Variants in PXDNL observed in about 807,000 individuals in gnomAD.
PXDNL encodes probable oxidoreductase PXDNL.
PXDNL carries 145 observed loss-of-function variants against 150.8 expected under a neutral mutation model. The ratio of observed to expected loss-of-function variants is 0.96; its 90% CI spans 0.84 to 1.10. The LOEUF is 1.10. Ranked by LOEUF, PXDNL falls within the 50% of genes least tolerant of loss-of-function variation. The pLI, the probability that PXDNL is intolerant of heterozygous loss-of-function variation, is 0.00. For missense variants in PXDNL, 2,087 were observed against 1,873.9 expected (o/e 1.11, Z -2.10); for synonymous variants, 757 against 725.7 (o/e 1.04, Z -0.69).
chr8:51,512,712 C>G (rs2915506), intron 4 of PXDNL, among the ~76,000 whole-genome samples: 148,682 of 152,314 alleles, frequency 0.98, 72,652 homozygotes, highest in East Asian at 1. Flanking sequence ...ACTATGACCT[C>G]GCCAAGGACA....
At chr8:51,659,784 C>T (rs1006105738) in intron 1 of PXDNL, among the ~76,000 whole-genome samples, 5 of 152,140 alleles carry the variant, frequency 3.3e-5, no homozygotes, top group Admixed American at 2.6e-4. Context: ...GCAAATTTTA[C>T]ATTAACAATA....
chr8:51,428,910 A>G (rs868185630), intron 12 of PXDNL, among the ~76,000 whole-genome samples: 63 of 152,406 alleles, frequency 4.1e-4, no homozygotes, highest in South Asian at 3.3e-3. Context: ...AGGGCAAGTT[A>G]TAGACGGAGA....
At chr8:51,805,791 T>C (rs2037669325) in intron 1 of PXDNL, among the ~76,000 whole-genome samples, 1 of 152,192 alleles carries the variant, frequency 6.6e-6, no homozygotes, top group Non-Finnish European at 1.5e-5. Context: ...TTTTAGAGCA[T>C]GTTCAATTTG....
intron 1 of PXDNL, among the ~76,000 whole-genome samples, chr8:51,698,386 C>T (rs910080126): frequency 6.6e-5 from 10 of 152,196 alleles, no homozygotes; most frequent in Admixed American, 5.2e-4. Flanking sequence ...ACAGCAGATT[C>T]CATCTCAAAG....
intron 1 of PXDNL, among the ~76,000 whole-genome samples, chr8:51,744,977 AAAG>A (rs1240921201): frequency 0.32 from 11,771 of 36,994 alleles, 1,358 homozygotes; most frequent in East Asian, 0.39. Flanking sequence ...AGAAAGAAAG[AAAG>A]AAAGAAAGAA....
At chr8:51,731,822 C>T in intron 1 of PXDNL, among the ~76,000 whole-genome samples, 1 of 152,202 alleles carries the variant, frequency 6.6e-6, no homozygotes, top group East Asian at 1.9e-4. Context: ...TCTACTTTGG[C>T]CCCTTTTAGC....
At chr8:51,384,584 ACTATATATAAAG>A (rs1482007817) in intron 17 of PXDNL, among the ~76,000 whole-genome samples, 1 of 152,156 alleles carries the variant, frequency 6.6e-6, no homozygotes, top group African/African-American at 2.4e-5. Context: ...ATTTTAGAAA[ACTATATATAAAG>A]CTCTATGTTA....
chr8:51,340,046 A>G (rs1350075557), intron 20 of PXDNL: 1 of 198,476 alleles, frequency 5.0e-6, no homozygotes, highest in African/African-American at 2.3e-5. Context: ...TATTTGATAT[A>G]TTATTTAGAC....
At chr8:51,768,610 A>T (rs1305364205) in intron 1 of PXDNL, among the ~76,000 whole-genome samples, 2 of 152,220 alleles carry the variant, frequency 1.3e-5, no homozygotes, top group Non-Finnish European at 2.9e-5. Flanking sequence ...CAGCTTTCTC[A>T]GCATTCAAAA....
At chr8:51,549,177 A>G (rs983183064) in intron 4 of PXDNL, among the ~76,000 whole-genome samples, 1 of 152,208 alleles carries the variant, frequency 6.6e-6, no homozygotes, top group African/African-American at 2.4e-5. Context: ...CAAAATTTAT[A>G]AAACAATTAT....
intron 12 of PXDNL, among the ~76,000 whole-genome samples, chr8:51,436,975 G>C (rs1452406658): frequency 6.6e-6 from 1 of 152,044 alleles, no homozygotes. Context: ...ACCAAGAAGA[G>C]AAAAGAACCA....
intron 1 of PXDNL, among the ~76,000 whole-genome samples, chr8:51,805,186 A>G (rs920300172): frequency 2.0e-5 from 3 of 151,908 alleles, no homozygotes; most frequent in Admixed American, 6.6e-5. Context: ...AGGTCCAAAA[A>G]GTTCAGGCCT....
intron 1 of PXDNL, among the ~76,000 whole-genome samples, chr8:51,762,863 T>C (rs576571663): frequency 1.3e-5 from 2 of 151,224 alleles, no homozygotes; most frequent in South Asian, 4.2e-4. Flanking sequence ...AGAAGCTATA[T>C]AGATAATCAA....
chr8:51,538,883 G>GAAT, intron 4 of PXDNL, among the ~76,000 whole-genome samples: 1 of 152,152 alleles, frequency 6.6e-6, no homozygotes, highest in Non-Finnish European at 1.5e-5. Context: ...ATTATGTGGT[G>GAAT]AATAATAATA....
At chr8:51,431,040 C>T (rs1431905563) in intron 12 of PXDNL, among the ~76,000 whole-genome samples, 1 of 152,178 alleles carries the variant, frequency 6.6e-6, no homozygotes, top group Non-Finnish European at 1.5e-5. Context: ...ATAAATTCCT[C>T]AACTCCTATA....
chr8:51,504,617 G>A (rs1399259317), intron 4 of PXDNL, among the ~76,000 whole-genome samples: 1 of 152,206 alleles, frequency 6.6e-6, no homozygotes, highest in African/African-American at 2.4e-5. Flanking sequence ...ATATTTGAGT[G>A]ATTATGTAAT....
intron 4 of PXDNL, among the ~76,000 whole-genome samples, chr8:51,544,626 A>T (rs1234187231): frequency 6.6e-6 from 1 of 152,232 alleles, no homozygotes; most frequent in East Asian, 1.9e-4. Context: ...CAAACAATCA[A>T]GAAAAGAATA....
intron 2 of PXDNL, among the ~76,000 whole-genome samples, chr8:51,637,541 C>A (rs1814632773): frequency 6.6e-6 from 1 of 152,124 alleles, no homozygotes; most frequent in African/African-American, 2.4e-5. Context: ...TGCACAAGAA[C>A]TACATAATGA....
chr8:51,413,253 G>C lies in PXDNL; in HGVS notation c.1801C>G (p.Gln601Glu). Residue 601 changes from glutamine to glutamate, a missense_variant, in exon 15 of 23, where the codon CAG becomes GAG. By Grantham distance (29) the Gln-to-Glu change is conservative (BLOSUM62 2). Coordinates refer to ENST00000356297, the MANE Select transcript of PXDNL (RefSeq NM_144651.5). ...AAGTCATCGCCAGCTTGTCTACCCT[G>C]TATAGCTTTGAAAATCAATTCCATG... ...TNMFLTVTAIQGRQAGDDFVE... is the reference protein window; with the variant it reads ...TNMFLTVTAIEGRQAGDDFVE... 6.3e-7 allele frequency: 1 copy of C among 1,595,626 alleles called. No homozygotes were observed. Among genetic ancestry groups the C allele is most frequent in the Non-Finnish European group, 8.6e-7 (1 of 1,164,686 alleles).
Sources: gnomAD v4.1 joint callset for allele counts (sites outside exome capture counted in the v4.1 genomes callset) on GRCh38, gnomAD v4.1.1 for gene constraint, MANE v1.5 for transcripts, NCBI Gene and HGNC (gene_info 2026-07-23, HGNC 2026-07-21) for gene names.